Variants in CEP85L observed in about 807,000 individuals in gnomAD.
CEP85L encodes centrosomal protein 85L, also known as centrosomal protein of 85 kDa-like.
Under a neutral mutation model 100.3 loss-of-function variants are expected in CEP85L, and 60 were observed. The ratio of observed to expected loss-of-function variants is 0.60; its 90% CI spans 0.49 to 0.74. The LOEUF is 0.74. Ranked by LOEUF, CEP85L falls within the 30% of genes least tolerant of loss-of-function variation. The probability of loss-of-function intolerance (pLI) is 0.00; values close to 1 mark genes in which losing one functional copy is unlikely to be tolerated. For missense variants in CEP85L, 973 were observed against 936.2 expected, an observed-to-expected ratio of 1.04 and a Z score of -0.51; for synonymous variants, 319 against 322.7, an observed-to-expected ratio of 0.99 and a Z score of 0.12.
At chr6:118,525,146 T>C (rs1776892843) in intron 3 of CEP85L, among the ~76,000 whole-genome samples, 2 of 152,144 alleles carry the variant, frequency 1.3e-5, no homozygotes, top group Non-Finnish European at 2.9e-5. Context: ...AGTATATCCA[T>C]AGAAAATGGA....
intron 10 of CEP85L, among the ~76,000 whole-genome samples, chr6:118,478,405 C>T (rs1227450931): frequency 1.3e-5 from 2 of 152,072 alleles, no homozygotes; most frequent in Non-Finnish European, 2.9e-5. Flanking sequence ...ATACCATCTT[C>T]ACAAATATAG....
Position 118,480,444 on chromosome 6 carries a change from A to G in CEP85L, c.1815T>C (p.Leu605=). ...IRLPMLDAKQ[L]QNENDNLRQQ... ...GTCTGAGATTATCATTTTCATTCTG[A>G]AGCTGTTTTGCATCTAACATGGGAA... The change falls in exon 9 of 13, where the codon CTT becomes CTC. Residue 605 remains leucine (L), a synonymous_variant. Transcript: ENST00000368491. The G allele has an allele frequency of 6.2e-7, 1 of 1,612,032 alleles. No homozygotes were observed. Among genetic ancestry groups the G allele is most frequent in the Non-Finnish European group, 8.5e-7 (1 of 1,178,724 alleles).
chr6:118,537,384 G>A, intron 3 of CEP85L: 1 of 301,142 alleles, frequency 3.3e-6, no homozygotes. Context: ...TTTAGTAGCT[G>A]CCAAACTCAG....
chr6:118,547,908 A>G (rs1778300791), intron 3 of CEP85L, among the ~76,000 whole-genome samples: 1 of 152,108 alleles, frequency 6.6e-6, no homozygotes, highest in Admixed American at 6.6e-5. Flanking sequence ...CAGCAGCAAG[A>G]ATTCAATGAA....
chr6:118,649,994 C>T (rs1196724306), intron 1 of CEP85L, among the ~76,000 whole-genome samples: 7 of 152,180 alleles, frequency 4.6e-5, no homozygotes, highest in Admixed American at 4.6e-4. Flanking sequence ...ATACTAGTGA[C>T]TCGGTCAGTG....
In CEP85L at chr6:118,480,064, T is replaced by C; in HGVS notation, c.1864-143A>G. ...AAAAAACTGAAAGTATCCTTATGATTTGGGTCACACACGTATAAAACTACA... is the reference window on the plus strand; with the variant it reads ...AAAAAACTGAAAGTATCCTTATGATCTGGGTCACACACGTATAAAACTACA... On this transcript the variant is annotated intron_variant, in intron 9 of 12. Coordinates refer to ENST00000368491, the MANE Select transcript of CEP85L (RefSeq NM_001042475.3). 7.3e-6 allele frequency: 4 copies of C among 551,192 alleles called. No individual in the cohort carries two copies. In the South Asian group the frequency reaches 7.4e-5, roughly 10 times the overall value. 34.1% of individuals were successfully genotyped at this position (551,192 alleles called of 1,614,324 possible).
intron 3 of CEP85L, among the ~76,000 whole-genome samples, chr6:118,530,814 C>T (rs1234606999): frequency 1.3e-5 from 2 of 150,988 alleles, no homozygotes; most frequent in Admixed American, 1.3e-4. Flanking sequence ...TAAAAGAGCT[C>T]TACAACAAGA....
intron 1 of CEP85L, among the ~76,000 whole-genome samples, chr6:118,691,244 A>G (rs1777033112): frequency 6.7e-6 from 1 of 148,802 alleles, no homozygotes; most frequent in African/African-American, 2.5e-5. Flanking sequence ...ATGAAACCCC[A>G]TCTCTAGGCC....
rs1201536554 is a variant in CEP85L, at chr6:118,472,017, T to C, written c.1915-1373A>G. Among the ~76,000 whole-genome samples the C allele has an allele frequency of 3.3e-5, 5 of 151,826 alleles. No individual in the cohort carries two copies. In the East Asian group the frequency reaches 5.8e-4, roughly 18 times the overall value. On this transcript the variant is annotated intron_variant, in intron 10 of 12. Transcript: ENST00000368491. Reference sequence around the variant, plus strand: ...TTAGAATTACAGAAGAAGGGCATCATAGACACACTACTCAAACTCACATTC... The same window carrying C: ...TTAGAATTACAGAAGAAGGGCATCACAGACACACTACTCAAACTCACATTC...
At chr6:118,540,067 T>A (rs775906346) in intron 3 of CEP85L, among the ~76,000 whole-genome samples, 6 of 151,298 alleles carry the variant, frequency 4.0e-5, no homozygotes, top group Admixed American at 2.6e-4. Flanking sequence ...TTTTTTTTTT[T>A]AAATCTCCAG....
At chr6:118,679,532 T>C (rs975230327) in intron 1 of CEP85L, among the ~76,000 whole-genome samples, 1 of 152,232 alleles carries the variant, frequency 6.6e-6, no homozygotes, top group Non-Finnish European at 1.5e-5. Flanking sequence ...AATGATGATA[T>C]TAGCATAGTT....
At chr6:118,694,959 G>A (rs1432998513) in intron 1 of CEP85L, among the ~76,000 whole-genome samples, 1 of 152,076 alleles carries the variant, frequency 6.6e-6, no homozygotes, top group Non-Finnish European at 1.5e-5. Flanking sequence ...AGGTGGTCTT[G>A]TTTATGTAAG....
intron 3 of CEP85L, among the ~76,000 whole-genome samples, chr6:118,562,957 A>G (rs1779307939): frequency 6.6e-6 from 1 of 152,102 alleles, no homozygotes; most frequent in Non-Finnish European, 1.5e-5. Context: ...TACCTTCCCC[A>G]AGAAAAGGAA....
chr6:118,619,059 G>A (rs1258821012), intron 2 of CEP85L, among the ~76,000 whole-genome samples: 4 of 152,122 alleles, frequency 2.6e-5, no homozygotes, highest in East Asian at 1.9e-4. Flanking sequence ...ACGATCATGC[G>A]CTCCGAGCAC....
intron 1 of CEP85L, among the ~76,000 whole-genome samples, chr6:118,650,985 A>T (rs181705181): frequency 1.3e-5 from 2 of 152,024 alleles, no homozygotes; most frequent in African/African-American, 4.8e-5. Context: ...AGCGGCGGGG[A>T]CGACGGGATG....
At chr6:118,698,666 T>C (rs1777293544) in intron 1 of CEP85L, among the ~76,000 whole-genome samples, 1 of 152,224 alleles carries the variant, frequency 6.6e-6, no homozygotes, top group Non-Finnish European at 1.5e-5. Flanking sequence ...TCCACTTGAC[T>C]TAGCCTACAG....
At chr6:118,518,601 T>A (rs887102165) in intron 4 of CEP85L, among the ~76,000 whole-genome samples, 4 of 152,302 alleles carry the variant, frequency 2.6e-5, no homozygotes, top group African/African-American at 9.6e-5. Context: ...TTTTATCACA[T>A]CTATTTGATT....
At chr6:118,549,260 C>G (rs975304805) in intron 3 of CEP85L, among the ~76,000 whole-genome samples, 4 of 151,788 alleles carry the variant, frequency 2.6e-5, no homozygotes, top group Admixed American at 2.6e-4. Context: ...CAGTGGTACT[C>G]CATTTCCTCT....
chr6:118,518,597 CA>C (rs1441124334), intron 4 of CEP85L, among the ~76,000 whole-genome samples: 1 of 151,926 alleles, frequency 6.6e-6, no homozygotes, highest in African/African-American at 2.4e-5. Context: ...CATTTTTTAT[CA>C]CATCTATTTG....
Sources: allele counts gnomAD v4.1 joint callset (sites outside exome capture counted in the v4.1 genomes callset), GRCh38; gene constraint gnomAD v4.1.1; transcripts MANE v1.5; gene names NCBI Gene and HGNC (gene_info 2026-07-23, HGNC 2026-07-21).